The following SPDEF variants were observed in gnomAD, a reference collection of about 807,000 sequenced individuals.
SPDEF encodes SAM pointed domain-containing Ets transcription factor.
In SPDEF, 12 loss-of-function variants were observed where a neutral mutation model predicts 36.0. That is an observed-to-expected ratio of 0.33 (90% CI 0.21 to 0.54). The LOEUF is 0.54. Ranked by LOEUF, SPDEF falls within the 20% of genes least tolerant of loss-of-function variation. SPDEF has a pLI of 0.93. For synonymous variants in SPDEF, 205 were observed against 193.0 expected, an observed-to-expected ratio of 1.06 and a Z score of -0.51; for missense variants, 388 against 456.9, an observed-to-expected ratio of 0.85 and a Z score of 1.37.
chr6:34,544,364 G>C lies in SPDEF; in HGVS notation c.92C>G (p.Ala31Gly). The change falls in exon 2 of 6, where the codon GCG becomes GGG. Residue 31 changes from alanine (A) to glycine (G), a missense_variant. Transcript: ENST00000374037. The surrounding 1 kb of genome is among the most constrained non-coding windows in gnomAD (Gnocchi z 4.4). ...DTVSRTGLEKAAAGAVGLERR... is the reference protein window; with the variant it reads ...DTVSRTGLEKGAAGAVGLERR... ...CTCGAGACCCACTGCCCCCGCTGCC[G>C]CCTTCTCCAAGCCTGTCCGCGACAC... The C allele has an allele frequency of 6.2e-7, 1 of 1,601,992 alleles. No individual in the cohort carries two copies. The highest frequency in any genetic ancestry group is 1.7e-4 in the Middle Eastern group (1 of 5,964).
chr6:34,554,857 GAGATGC>G (rs1295544555), intron 1 of SPDEF, among the ~76,000 whole-genome samples: 1 of 152,322 alleles, frequency 6.6e-6, no homozygotes, highest in South Asian at 2.1e-4. Flanking sequence ...TGGTGATGGG[GAGATGC>G]AGCTTTATTG....
intron 1 of SPDEF, among the ~76,000 whole-genome samples, chr6:34,550,258 C>T (rs1321513097): frequency 6.6e-6 from 1 of 152,210 alleles, no homozygotes; most frequent in African/African-American, 2.4e-5. Flanking sequence ...GACCTTGCTG[C>T]AACCTCACCC....
At chr6:34,551,064 C>T (rs930530939) in intron 1 of SPDEF, among the ~76,000 whole-genome samples, 9 of 152,350 alleles carry the variant, frequency 5.9e-5, no homozygotes, top group African/African-American at 2.2e-4. Context: ...CGGACAAGGG[C>T]GCTGTGACCT....
chr6:34,539,685 C>T lies in SPDEF; in HGVS notation c.635-123G>A. On this transcript the variant is annotated intron_variant, in intron 3 of 5. Coordinates refer to ENST00000374037, the MANE Select transcript of SPDEF (RefSeq NM_012391.3). This position sits in a 1 kb window ranked among gnomAD's most constrained non-coding sequence, Gnocchi z 5.2. ...CTGTGGCTGGGGGTTGCCCCTGTGG[C>T]TCCCTGCCTCCTGCCAACCTGGGGA... is the stretch of plus-strand genomic sequence containing the variant. The T allele has an allele frequency of 9.0e-7, 1 of 1,114,370 alleles. No individual in the cohort carries two copies. The highest frequency in any genetic ancestry group is 2.1e-5 in the Admixed American group (1 of 48,670). 69.0% of individuals were successfully genotyped at this position (1,114,370 alleles called of 1,614,324 possible).
Position 34,538,448 on chromosome 6 carries a change from G to A in SPDEF, c.834C>T (p.Ile278=). The A allele has an allele frequency of 6.2e-7, 1 of 1,612,774 alleles. No homozygotes were observed. Residue 278 remains isoleucine, a synonymous_variant, in exon 6 of 6, where the codon ATC becomes ATT. Coordinates refer to ENST00000374037, the MANE Select transcript of SPDEF (RefSeq NM_012391.3). This position sits in a 1 kb window ranked among gnomAD's most constrained non-coding sequence, Gnocchi z 5.9. ...CCTGGGCTGAGTCCTCAATTTTGAA[G>A]ATGCCTAGAGCAGGAGGGCCCCGAG... ...FIRWLNKEKG[I]FKIEDSAQVA...
intron 1 of SPDEF, among the ~76,000 whole-genome samples, chr6:34,547,341 A>G (rs1173739784): frequency 1.3e-5 from 2 of 152,042 alleles, no homozygotes; most frequent in Non-Finnish European, 2.9e-5. Flanking sequence ...AAGCCCTCAC[A>G]TCCATCCCCT....
chr6:34,540,632 AAAAC>A (rs912925702), intron 3 of SPDEF, among the ~76,000 whole-genome samples: 1 of 152,138 alleles, frequency 6.6e-6, no homozygotes, highest in African/African-American at 2.4e-5. Flanking sequence ...TTAATAAAAA[AAAAC>A]AAAGAAAACA....
rs751616636 is a variant in SPDEF at position 34,544,132 on chromosome 6, C to G, written c.324G>C (p.Val108=). The G allele has an allele frequency of 6.2e-7, 1 of 1,613,730 alleles. No homozygotes were observed. Among genetic ancestry groups the G allele is most frequent in the Non-Finnish European group, 8.5e-7 (1 of 1,179,934 alleles). ...SQAPAGSLDL[V]PGGLTLEEHS... is the part of the protein sequence containing the mutation. ...GCTCCTCCAAGGTCAGCCCGCCGGGCACCAAGTCCAGGCTGCCCGCTGGGG... is the reference window on the plus strand; with the variant it reads ...GCTCCTCCAAGGTCAGCCCGCCGGGGACCAAGTCCAGGCTGCCCGCTGGGG... Residue 108 remains valine (V), a synonymous_variant, in exon 2 of 6, where the codon GTG becomes GTC. Coordinates refer to ENST00000374037, the MANE Select transcript of SPDEF (RefSeq NM_012391.3). This position sits in a 1 kb window ranked among gnomAD's most constrained non-coding sequence, Gnocchi z 4.4.
chr6:34,547,334 C>T (rs1374369375), intron 1 of SPDEF, among the ~76,000 whole-genome samples: 3 of 152,036 alleles, frequency 2.0e-5, no homozygotes, highest in Admixed American at 2.0e-4. Flanking sequence ...GCATGTGAAG[C>T]CCTCACATCC....
intron 1 of SPDEF, among the ~76,000 whole-genome samples, chr6:34,546,483 C>T (rs375189159): frequency 2.0e-5 from 3 of 152,116 alleles, no homozygotes; most frequent in Non-Finnish European, 4.4e-5. Flanking sequence ...AGGGAAAGAA[C>T]CCAGTCTGGA....
At position 34,555,441 on chromosome 6, in the gene SPDEF, G is replaced by A. The variant is rs970843730; in HGVS notation, c.-30+488C>T. Reference sequence around the variant, plus strand: ...GCTCTGGACCTGTCTCCCCTGTCCCGAACTGGACCCGGCCTTAGACTTAGC... The same window carrying A: ...GCTCTGGACCTGTCTCCCCTGTCCCAAACTGGACCCGGCCTTAGACTTAGC... On this transcript the variant is annotated intron_variant, in intron 1 of 5. Coordinates refer to ENST00000374037, the MANE Select transcript of SPDEF (RefSeq NM_012391.3). The surrounding 1 kb of genome is among the most constrained non-coding windows in gnomAD (Gnocchi z 5.2). Among the ~76,000 whole-genome samples the A allele has an allele frequency of 8.5e-5, 13 of 152,172 alleles. No homozygotes were observed. The highest frequency in any genetic ancestry group is 2.9e-4 in the African/African-American group (12 of 41,512).
intron 3 of SPDEF, among the ~76,000 whole-genome samples, chr6:34,540,428 T>G (rs912967787): frequency 4.0e-5 from 6 of 150,228 alleles, no homozygotes; most frequent in African/African-American, 7.4e-5. Flanking sequence ...AAAAAAAGAA[T>G]AAGAACTGCA....
rs563737020 is a variant in SPDEF, at chr6:34,544,769, C to T, written c.-29-285G>A. Among the ~76,000 whole-genome samples the T allele has an allele frequency of 6.6e-6, 1 of 152,354 alleles. No individual in the cohort carries two copies. On this transcript the variant is annotated intron_variant, in intron 1 of 5. Coordinates refer to ENST00000374037, the MANE Select transcript of SPDEF (RefSeq NM_012391.3). The surrounding 1 kb of genome is among the most constrained non-coding windows in gnomAD (Gnocchi z 4.4). ...AGCAAAGCTCCACACATGTACTGTGCTTAAAACAGCCTTCTGAGGTTCCTG... is the reference window on the plus strand; with the variant it reads ...AGCAAAGCTCCACACATGTACTGTGTTTAAAACAGCCTTCTGAGGTTCCTG...
intron 2 of SPDEF, among the ~76,000 whole-genome samples, chr6:34,542,260 T>C (rs768377258): frequency 1.3e-5 from 2 of 152,190 alleles, no homozygotes; most frequent in Non-Finnish European, 2.9e-5. Flanking sequence ...AGTTCAGTGC[T>C]GCAATGCCAG....
At position 34,538,116 on chromosome 6, in the gene SPDEF, C is replaced by G; in HGVS notation, c.*158G>C. The G allele has an allele frequency of 1.4e-6, 1 of 725,398 alleles. No individual in the cohort carries two copies. The highest frequency in any genetic ancestry group is 2.2e-6 in the Non-Finnish European group (1 of 452,768). 44.9% of individuals were successfully genotyped at this position (725,398 alleles called of 1,614,324 possible). A position where few individuals can be genotyped will look rare whatever the true frequency, so the allele number is the denominator to read the frequency against. The stretch of plus-strand genomic sequence containing the variant: ...CCCGAAGGCCCCAGAGGACCCATAT[C>G]CCCCTGGGGCAGTTGGTTGCCCCTC... On this transcript the variant is annotated 3_prime_UTR_variant, in exon 6 of 6. Transcript: ENST00000374037. This position sits in a 1 kb window ranked among gnomAD's most constrained non-coding sequence, Gnocchi z 5.9.
chr6:34,541,269 G>T lies in SPDEF; in HGVS notation c.437-88C>A, dbSNP rs1767817773. ...GCACCCATGGGAACCTGTGGCCTGA[G>T]ACCATGTGCTCTTGGGGATGGGGAT... On this transcript the variant is annotated intron_variant, in intron 2 of 5. Transcript: ENST00000374037. The T allele has an allele frequency of 3.8e-6, 5 of 1,326,328 alleles. No individual in the cohort carries two copies. The African/African-American group carries it at 4.4e-5, about 12-fold the overall frequency. The allele number at this position is 1,326,328 out of a possible 1,614,324, so 82.2% of individuals were successfully genotyped here.
At chr6:34,546,874 T>A (rs999980348) in intron 1 of SPDEF, among the ~76,000 whole-genome samples, 7 of 152,066 alleles carry the variant, frequency 4.6e-5, no homozygotes, top group African/African-American at 1.7e-4. Context: ...GTGCAAACAC[T>A]CGTGTGTGCT....
intron 1 of SPDEF, among the ~76,000 whole-genome samples, chr6:34,553,750 T>C (rs1319353898): frequency 6.7e-6 from 1 of 149,582 alleles, no homozygotes; most frequent in Non-Finnish European, 1.5e-5. Context: ...GTAGAGGGAG[T>C]GGGCGAGAGA....
chr6:34,543,876 T>C (rs1470800171), intron 2 of SPDEF, 144 bp downstream of exon 2: 1 of 733,166 alleles, frequency 1.4e-6, no homozygotes, highest in Non-Finnish European at 2.2e-6. Flanking sequence ...GCTGACTGTG[T>C]GTAGAAGTGC....
Sources: gnomAD v4.1 joint callset for allele counts (sites outside exome capture counted in the v4.1 genomes callset) on GRCh38, gnomAD v4.1.1 for gene constraint, Gnocchi (gnomAD v3.1) non-coding constraint, MANE v1.5 for transcripts, NCBI Gene and HGNC (gene_info 2026-07-23, HGNC 2026-07-21) for gene names.